Variants in MYH4 observed in about 807,000 individuals in gnomAD.
MYH4 encodes the protein myosin-4.
MYH4 carries 200 observed loss-of-function variants against 229.9 expected under a neutral mutation model. The ratio of observed to expected loss-of-function variants is 0.87; its 90% confidence interval spans 0.78 to 0.98. The LOEUF is 0.98. Ranked by LOEUF, MYH4 falls within the 50% of genes least tolerant of loss-of-function variation. The probability of loss-of-function intolerance (pLI) is 0.00; values close to 1 mark genes in which losing one functional copy is unlikely to be tolerated. For synonymous variants in MYH4, 761 were observed against 834.6 expected (o/e 0.91, Z 1.52); for missense variants, 2,148 against 2,332.6 (o/e 0.92, Z 1.63).
Position 10,464,470 on chromosome 17 carries a change from A to G in MYH4, c.648+2T>C. 4 of 1,611,650 alleles carry G rather than the reference A, an allele frequency of 2.5e-6. No homozygotes were observed. Among genetic ancestry groups the G allele is most frequent in the Non-Finnish European group, 3.4e-6 (4 of 1,178,616 alleles). On this transcript the variant is annotated splice_donor_variant, in intron 7 of 39. Coordinates refer to ENST00000255381, the MANE Select transcript of MYH4 (RefSeq NM_017533.2). LOFTEE classifies it high-confidence loss of function. ...CTGTCCTTAGATGAATATCATGCCC[A>G]CCTGCATTTTGCCAGAGGCAGGTTC...
In MYH4 at chr17:10,448,631, A is replaced by G. The variant is rs1265449020; in HGVS notation, c.4518T>C (p.Asn1506=). 1 of 1,613,900 alleles carries G rather than the reference A, an allele frequency of 6.2e-7. No individual in the cohort carries two copies. Among genetic ancestry groups the G allele is most frequent in the Admixed American group, 1.7e-5 (1 of 59,966 alleles). Residue 1506 remains asparagine (N), a synonymous_variant, in exon 32 of 40, where the codon AAT becomes AAC. Coordinates refer to ENST00000255381, the MANE Select transcript of MYH4 (RefSeq NM_017533.2). Reference sequence around the variant, plus strand: ...ACAGTGACTCACGTTGTAAGTTCTTATTCTCTCGCTTTAGAGTTTCAAGAT... The same window carrying G: ...ACAGTGACTCACGTTGTAAGTTCTTGTTCTCTCGCTTTAGAGTTTCAAGAT... The part of the protein sequence containing the change: ...LDHLETLKRE[N]KNLQQEISDL...
rs80203309 is a variant in MYH4, at chr17:10,468,141, T to C, written c.-40+1147A>G. On this transcript the variant is annotated intron_variant, in intron 2 of 39. Transcript: ENST00000255381. ...TATTGGAACATTTAATGTCAGGTTT[T>C]TTTTCTTTGAAGAAGAAATGTTATT... Among the ~76,000 whole-genome samples, 517 of 152,360 alleles carry C rather than the reference T, an allele frequency of 3.4e-3. 3 individuals are homozygous for C. The highest frequency in any genetic ancestry group is 0.012 in the African/African-American group (493 of 41,578).
Position 10,448,008 on chromosome 17 carries a change from C to T in MYH4, c.4775G>A (p.Arg1592Lys), listed in dbSNP as rs372593376. ...EKDEELDQLKRNHLRVVESMQ... is the reference protein window; with the variant it reads ...EKDEELDQLKKNHLRVVESMQ... ...TGACTCCACAACTCTGAGATGGTTC[C>T]TCTTTAGCTGATCGAGTTCTTCATC... Residue 1592 changes from arginine to lysine, a missense_variant, in exon 34 of 40, where the codon AGG becomes AAG. Arg to Lys is a conservative substitution (Grantham distance 26). Transcript: ENST00000255381. The T allele has an allele frequency of 2.5e-6, 4 of 1,613,938 alleles. No individual in the cohort carries two copies. Among genetic ancestry groups the T allele is most frequent in the Admixed American group, 1.7e-5 (1 of 59,978 alleles).
At chr17:10,447,646 G>A (rs1271705244) in intron 34 of MYH4, among the ~76,000 whole-genome samples, 172 bp downstream of exon 34, 1 of 152,074 alleles carries the variant, frequency 6.6e-6, no homozygotes, top group Non-Finnish European at 1.5e-5. Flanking sequence ...CTCTGTCCTG[G>A]GCCTTCCAGA....
intron 4 of MYH4, 82 bp downstream of exon 4, chr17:10,466,191 T>C: frequency 6.7e-7 from 1 of 1,494,712 alleles, no homozygotes; most frequent in Non-Finnish European, 9.1e-7. Context: ...AATAGCCAAA[T>C]GTATTGAAAC....
chr17:10,460,130 T>A (rs752451049), intron 13 of MYH4, 29 bp from the exon 14 acceptor site: 1 of 1,614,126 alleles, frequency 6.2e-7, no homozygotes, highest in Non-Finnish European at 8.5e-7. Context: ...TTTAGTTTTT[T>A]AAATTGAAAA....
In MYH4 at chr17:10,448,737, A is replaced by G. The variant is rs1567699067; in HGVS notation, c.4412T>C (p.Leu1471Pro). 1.2e-6 allele frequency: 2 copies of G among 1,614,120 alleles called. No homozygotes were observed. The highest frequency in any genetic ancestry group is 1.6e-4 in the Middle Eastern group (1 of 6,062). ...ACGCGACTCCTTCTGGGAGGCCTCA[A>G]GTTCAGCCTGAGTTTCCTCATACTT... ...KQKYEETQAE[L>P]EASQKESRSL... The change falls in exon 32 of 40, where the codon CTT (leucine) becomes CCT (proline). Residue 1471 changes from leucine to proline, a missense_variant. Leu to Pro is a moderately conservative substitution (Grantham distance 98). Coordinates refer to ENST00000255381, the MANE Select transcript of MYH4 (RefSeq NM_017533.2).
rs769124122 is a variant in MYH4, at chr17:10,459,290, G to A, written c.1548C>T (p.Phe516=). The A allele has an allele frequency of 1.1e-5, 18 of 1,613,896 alleles. No individual in the cohort carries two copies. The highest frequency in any genetic ancestry group is 6.7e-5 in the Admixed American group (4 of 59,990). Residue 516 remains phenylalanine, a synonymous_variant, in exon 15 of 40, where the codon TTC becomes TTT. Transcript: ENST00000255381. ...KEGIEWEFID[F]GMDLAACIEL... ...CGATGCAGGCAGCCAGGTCCATCCC[G>A]AAGTCAATGAACTCCCACTCGATGC...
rs149490425 is a variant in MYH4, at chr17:10,451,431, G to A, written c.3760C>T (p.Arg1254Cys). The A allele has an allele frequency of 1.0e-4, 169 of 1,613,338 alleles. 3 individuals are homozygous for A. In the African/African-American group the frequency reaches 1.8e-3, roughly 17 times the overall value. ...KAKANFEKMC[R>C]TLEDQLSEIK... Reference sequence around the variant, plus strand: ...TCACTAAGCTGGTCCTCTAGGGTGCGGCACATTTTCTCAAAGTTTGCCTGG... The same window carrying A: ...TCACTAAGCTGGTCCTCTAGGGTGCAGCACATTTTCTCAAAGTTTGCCTGG... The change falls in exon 28 of 40, where the codon CGC (arginine) becomes TGC (cysteine). Residue 1254 changes from arginine (R) to cysteine (C), a missense_variant. Transcript: ENST00000255381.
intron 19 of MYH4, 128 bp downstream of exon 19, chr17:10,455,486 C>G (rs1597419616): frequency 1.4e-6 from 2 of 1,387,558 alleles, no homozygotes; most frequent in East Asian, 4.7e-5. Context: ...ACCTAAGCTT[C>G]TTTCTTTTAT....
Position 10,448,109 on chromosome 17 carries a change from T to C in MYH4, c.4674A>G (p.Glu1558=), listed in dbSNP as rs766006463. 7.4e-6 allele frequency: 12 copies of C among 1,613,228 alleles called. No homozygotes were observed. In the Admixed American group the frequency reaches 1.2e-4, roughly 16 times the overall value. ...LEEAEASLEH[E]EGKILRIQLE... Reference sequence around the variant, plus strand: ...GTTGAATGCGAAGAATTTTGCCTTCTTCATGCTCAAGAGATGCCTTAATAA... The same window carrying C: ...GTTGAATGCGAAGAATTTTGCCTTCCTCATGCTCAAGAGATGCCTTAATAA... Residue 1558 remains glutamate (E), a synonymous_variant, in exon 34 of 40, where the codon GAA becomes GAG. Coordinates refer to ENST00000255381, the MANE Select transcript of MYH4 (RefSeq NM_017533.2).
In MYH4 at chr17:10,459,971, G is replaced by A. The variant is rs199945629; in HGVS notation, c.1397C>T (p.Ala466Val). The part of the protein sequence containing the change: ...RQYFIGVLDI[A>V]GFEIFDFNSL... ...ACTCACATCAAAGATCTCAAAGCCA[G>A]CAATGTCCAAGACCCCGATGAAGTA... The change falls in exon 14 of 40, where the codon GCT (alanine) becomes GTT (valine). Residue 466 changes from alanine (A) to valine (V), a missense_variant. Ala to Val is a moderately conservative substitution (Grantham distance 64). Transcript: ENST00000255381. The A allele has an allele frequency of 1.7e-5, 28 of 1,613,888 alleles. No homozygotes were observed. Among genetic ancestry groups the A allele is most frequent in the Non-Finnish European group, 2.1e-5 (25 of 1,179,950 alleles).
Position 10,460,922 on chromosome 17 carries a change from T to A in MYH4, c.1141A>T (p.Thr381Ser). The A allele has an allele frequency of 6.2e-7, 1 of 1,614,114 alleles. No individual in the cohort carries two copies. Reference protein sequence around the residue: ...QREEQAEPDGTEVADKAAYLT... With the variant: ...QREEQAEPDGSEVADKAAYLT... ...TACCAACAGGGGGTGGTACCTTCCG[T>A]GCCATCTGGCTCTGCCTGCTCTTCC... The change falls in exon 12 of 40, where the codon ACG (threonine) becomes TCG (serine). Residue 381 changes from threonine to serine, a missense_variant. Transcript: ENST00000255381.
At chr17:10,453,091 G>A in intron 24 of MYH4, 61 bp downstream of exon 24, 6 of 1,606,702 alleles carry the variant, frequency 3.7e-6, no homozygotes, top group Non-Finnish European at 4.3e-6. Flanking sequence ...TATCAGTGCT[G>A]GTTTCATGTC....
Position 10,455,085 on chromosome 17 carries a change from A to T in MYH4, c.2299-8T>A, listed in dbSNP as rs1355160400. On this transcript the variant is annotated splice_region_variant and splice_polypyrimidine_tract_variant and intron_variant, in intron 20 of 39. Transcript: ENST00000255381. ...GCCAGCTTTGAAGAAAACCTTATGA[A>T]AGAACAAGTTAAATATGTTATTTCC... is the stretch of plus-strand genomic sequence containing the variant. 1 of 1,614,200 alleles carries T rather than the reference A, an allele frequency of 6.2e-7. No individual in the cohort carries two copies. Among genetic ancestry groups the T allele is most frequent in the Admixed American group, 1.7e-5 (1 of 60,024 alleles).
At chr17:10,454,407 A>ATGTGACTTT in intron 22 of MYH4, 148 bp downstream of exon 22, 1 of 1,032,278 alleles carries the variant, frequency 9.7e-7, no homozygotes, top group East Asian at 2.4e-5. Context: ...GCAGCATGAT[A>ATGTGACTTT]TGTGACTTTG....
chr17:10,451,223 A>G, intron 28 of MYH4, 103 bp downstream of exon 28: 2 of 1,372,350 alleles, frequency 1.5e-6, no homozygotes, highest in Non-Finnish European at 2.0e-6. Flanking sequence ...GACATGATAA[A>G]TGAATGTACA....
At position 10,461,091 on chromosome 17, in the gene MYH4, C is replaced by T. The variant is rs535493861; in HGVS notation, c.1009-37G>A. ...GTTGAATTTGCTCATCCCCAATTAG[C>T]ACCATGGAAGAATCCCTCAGAACAC... On this transcript the variant is annotated intron_variant, in intron 11 of 39. Transcript: ENST00000255381. 7 of 1,611,160 alleles carry T rather than the reference C, an allele frequency of 4.3e-6. No individual in the cohort carries two copies. The East Asian group carries it at 1.3e-4, about 31-fold the overall frequency.
chr17:10,452,705 C>T (rs2072591096), intron 25 of MYH4, 82 bp downstream of exon 25: 2 of 1,458,092 alleles, frequency 1.4e-6, no homozygotes, highest in East Asian at 4.6e-5. Context: ...CATGATGTAA[C>T]ATTTTGGAGA....
Sources: gnomAD v4.1 joint callset for allele counts (sites outside exome capture counted in the v4.1 genomes callset) on GRCh38, gnomAD v4.1.1 for gene constraint, MANE v1.5 for transcripts, NCBI Gene and HGNC (gene_info 2026-07-23, HGNC 2026-07-21) for gene names.